The following PTGER2 variants were observed in gnomAD, a reference collection of about 807,000 sequenced individuals.
The protein encoded by PTGER2 is prostaglandin E receptor 2.
Under a neutral mutation model 26.2 loss-of-function variants are expected in PTGER2, and 22 were observed. The observed-to-expected ratio is 0.84, with a 90% CI of 0.60 to 1.20. The LOEUF (loss-of-function observed/expected upper bound fraction) is 1.20, where lower values mean the gene tolerates loss of function less well. Among genes scored for constraint, PTGER2 ranks in the 50% most tolerant of loss-of-function variants. The pLI, the probability that PTGER2 is intolerant of heterozygous loss-of-function variation, is 0.00. For synonymous variants in PTGER2, 219 were observed against 208.9 expected, an observed-to-expected ratio of 1.05 and a Z score of -0.42; for missense variants, 458 against 475.2, an observed-to-expected ratio of 0.96 and a Z score of 0.34.
rs780303158 is a variant in PTGER2, at chr14:52,315,115, C to T, written c.567C>T (p.Ile189=). The change falls in exon 1 of 2, where the codon ATC becomes ATT. Residue 189 remains isoleucine (I), a synonymous_variant. Coordinates refer to ENST00000245457, the MANE Select transcript of PTGER2 (RefSeq NM_000956.4). ...ACTGCCCCGGGACCTGGTGCTTCATCCGGCACGGGCGGACCGCTTACCTGC... is the reference window on the plus strand; with the variant it reads ...ACTGCCCCGGGACCTGGTGCTTCATTCGGCACGGGCGGACCGCTTACCTGC... ...VQYCPGTWCF[I]RHGRTAYLQL... is the part of the protein sequence containing the mutation. 6.2e-7 allele frequency: 1 copy of T among 1,610,270 alleles called. No individual in the cohort carries two copies. The highest frequency in any genetic ancestry group is 1.1e-5 in the South Asian group (1 of 91,074).
chr14:52,324,277 G>C (rs1165205667), intron 1 of PTGER2, among the ~76,000 whole-genome samples: 1 of 152,172 alleles, frequency 6.6e-6, no homozygotes, highest in Non-Finnish European at 1.5e-5. Flanking sequence ...GAGGACCTGG[G>C]CCAAGCCTTT....
intron 1 of PTGER2, among the ~76,000 whole-genome samples, chr14:52,317,417 T>C (rs1212498404): frequency 6.6e-6 from 1 of 152,248 alleles, no homozygotes; most frequent in Admixed American, 6.5e-5. Flanking sequence ...ATTGGCCTTT[T>C]ACCATGAGAA....
At chr14:52,317,972 T>C (rs2033857958) in intron 1 of PTGER2, among the ~76,000 whole-genome samples, 1 of 152,260 alleles carries the variant, frequency 6.6e-6, no homozygotes, top group South Asian at 2.1e-4. Flanking sequence ...TACATAGCAC[T>C]TTAAGCTTTA....
chr14:52,325,864 A>G (rs2140040660), intron 1 of PTGER2, among the ~76,000 whole-genome samples: 1 of 152,310 alleles, frequency 6.6e-6, no homozygotes, highest in Non-Finnish European at 1.5e-5. Flanking sequence ...CGCTCTCTGC[A>G]ATTTGCTTTG....
At chr14:52,321,195 C>T (rs1389022344) in intron 1 of PTGER2, among the ~76,000 whole-genome samples, 1 of 152,132 alleles carries the variant, frequency 6.6e-6, no homozygotes, top group African/African-American at 2.4e-5. Context: ...CCACAAAGCA[C>T]CTGTGATTCA....
In PTGER2 at chr14:52,316,026, T is replaced by C. The variant is rs45443300; in HGVS notation, c.843+635T>C. Among the ~76,000 whole-genome samples, 865 of 152,364 alleles carry C rather than the reference T, an allele frequency of 5.7e-3. 12 individuals are homozygous for C. The highest frequency in any genetic ancestry group is 0.02 in the African/African-American group (828 of 41,576). ...AATTTATATATTTGAATGTAACTCT[T>C]TGTGGCCATGAAAGTTTATAAAACC... On this transcript the variant is annotated intron_variant, in intron 1 of 1. Transcript: ENST00000245457.
At chr14:52,323,098 G>T (rs187826361) in intron 1 of PTGER2, among the ~76,000 whole-genome samples, 9 of 152,242 alleles carry the variant, frequency 5.9e-5, no homozygotes, top group Non-Finnish European at 1.0e-4. Flanking sequence ...ATTTGGGAAC[G>T]GATAAATGTC....
In PTGER2 at chr14:52,314,340, G is replaced by C. The variant is rs1171492748; in HGVS notation, c.-209G>C. 4.2e-6 allele frequency: 2 copies of C among 478,034 alleles called. No homozygotes were observed. Among genetic ancestry groups the C allele is most frequent in the Non-Finnish European group, 6.5e-6 (2 of 308,066 alleles). The allele number at this position is 478,034 out of a possible 1,614,324, so 29.6% of individuals were successfully genotyped here. On this transcript the variant is annotated 5_prime_UTR_variant, in exon 1 of 2. Transcript: ENST00000245457. This position sits in a 1 kb window ranked among gnomAD's most constrained non-coding sequence, Gnocchi z 5.7. ...GGTAGGCGCGGGAGCCTCGAGCGCC[G>C]CTCGGATGCAGCAGCCGAGCCGCCA...
chr14:52,323,625 C>G (rs966959216), intron 1 of PTGER2, among the ~76,000 whole-genome samples: 6 of 152,190 alleles, frequency 3.9e-5, no homozygotes, highest in African/African-American at 1.4e-4. Context: ...AAATTCTGAA[C>G]CCACTTTGTA....
intron 1 of PTGER2, among the ~76,000 whole-genome samples, chr14:52,320,880 G>A (rs1401340102): frequency 3.3e-5 from 5 of 152,182 alleles, no homozygotes; most frequent in Admixed American, 3.3e-4. Flanking sequence ...CTAGAGCAGG[G>A]TCCATAACCT....
intron 1 of PTGER2, among the ~76,000 whole-genome samples, chr14:52,316,428 G>T (rs2033841745): frequency 6.6e-6 from 1 of 152,182 alleles, no homozygotes; most frequent in Non-Finnish European, 1.5e-5. Flanking sequence ...TCTTACGGGG[G>T]CTAGGAATTG....
intron 1 of PTGER2, among the ~76,000 whole-genome samples, chr14:52,317,314 TCTC>T (rs1440625470): frequency 1.3e-5 from 2 of 152,216 alleles, no homozygotes; most frequent in Admixed American, 6.5e-5. Flanking sequence ...AGGAAAAAGT[TCTC>T]CTCTTTGATC....
chr14:52,314,670 T>A lies in PTGER2; in HGVS notation c.122T>A (p.Ile41Lys), dbSNP rs1252136254. The A allele has an allele frequency of 1.3e-6, 2 of 1,540,826 alleles. No individual in the cohort carries two copies. Among genetic ancestry groups the A allele is most frequent in the South Asian group, 1.2e-5 (1 of 80,074 alleles). Residue 41 changes from isoleucine (I) to lysine (K), a missense_variant, in exon 1 of 2, where the codon ATA (isoleucine) becomes AAA (lysine). Physicochemically the swap from Ile to Lys is moderately radical, Grantham distance 102 (BLOSUM62 -3). Coordinates refer to ENST00000245457, the MANE Select transcript of PTGER2 (RefSeq NM_000956.4). This position sits in a 1 kb window ranked among gnomAD's most constrained non-coding sequence, Gnocchi z 5.7. ...MFSAGVLGNLIALALLARRWR... is the reference protein window; with the variant it reads ...MFSAGVLGNLKALALLARRWR... ...TCGGCCGGGGTGCTGGGGAACCTCA[T>A]AGCACTGGCGCTGCTGGCGCGCCGC...
chr14:52,314,869 C>G lies in PTGER2; in HGVS notation c.321C>G (p.Arg107=). Residue 107 remains arginine (R), a synonymous_variant, in exon 1 of 2, where the codon CGC becomes CGG. Coordinates refer to ENST00000245457, the MANE Select transcript of PTGER2 (RefSeq NM_000956.4). The surrounding 1 kb of genome is among the most constrained non-coding windows in gnomAD (Gnocchi z 5.7). Reference sequence around the variant, plus strand: ...TGGTGGCACTGGCGCCCGAGAGCCGCGCGTGCACCTACTTCGCTTTCGCCA... The same window carrying G: ...TGGTGGCACTGGCGCCCGAGAGCCGGGCGTGCACCTACTTCGCTTTCGCCA... ...QTLVALAPES[R]ACTYFAFAMT... 4.3e-6 allele frequency: 7 copies of G among 1,613,100 alleles called. No individual in the cohort carries two copies. Among genetic ancestry groups the G allele is most frequent in the South Asian group, 1.1e-5 (1 of 91,062 alleles).
At chr14:52,321,447 C>T (rs1459572744) in intron 1 of PTGER2, among the ~76,000 whole-genome samples, 3 of 152,182 alleles carry the variant, frequency 2.0e-5, no homozygotes, top group African/African-American at 7.2e-5. Context: ...AGTCCATAAA[C>T]AGGAACCATG....
Position 52,314,490 on chromosome 14 carries a change from T to G in PTGER2, c.-59T>G. 2 of 1,423,984 alleles carry G rather than the reference T, an allele frequency of 1.4e-6. No homozygotes were observed. Among genetic ancestry groups the G allele is most frequent in the Non-Finnish European group, 1.8e-6 (2 of 1,087,600 alleles). 88.2% of individuals were successfully genotyped at this position (1,423,984 alleles called of 1,614,324 possible). On this transcript the variant is annotated 5_prime_UTR_variant, in exon 1 of 2. Transcript: ENST00000245457. The surrounding 1 kb of genome is among the most constrained non-coding windows in gnomAD (Gnocchi z 5.7). ...TCGGAACGCTCCGGCTCTCAGACCC[T>G]CTTCCTCCCAGGTAAAGGCCGGGAG... is the stretch of plus-strand genomic sequence containing the variant.
At chr14:52,322,210 G>A (rs1490118835) in intron 1 of PTGER2, among the ~76,000 whole-genome samples, 1 of 152,152 alleles carries the variant, frequency 6.6e-6, no homozygotes, top group Non-Finnish European at 1.5e-5. Flanking sequence ...CTGGGCCGCT[G>A]GGGGTGACAT....
Position 52,314,858 on chromosome 14 carries a change from C to A in PTGER2, c.310C>A (p.Pro104Thr), listed in dbSNP as rs1349649651. 3 of 1,613,122 alleles carry A rather than the reference C, an allele frequency of 1.9e-6. No individual in the cohort carries two copies. The highest frequency in any genetic ancestry group is 3.3e-5 in the Admixed American group (2 of 60,036). ...GAACCAGACCCTGGTGGCACTGGCG[C>A]CCGAGAGCCGCGCGTGCACCTACTT... The part of the protein sequence containing the change: ...ARNQTLVALA[P>T]ESRACTYFAF... Residue 104 changes from proline to threonine, a missense_variant, in exon 1 of 2, where the codon CCC becomes ACC. Coordinates refer to ENST00000245457, the MANE Select transcript of PTGER2 (RefSeq NM_000956.4). The surrounding 1 kb of genome is among the most constrained non-coding windows in gnomAD (Gnocchi z 5.7).
chr14:52,315,433 C>T lies in PTGER2; in HGVS notation c.843+42C>T, dbSNP rs557568392. 8.1e-6 allele frequency: 13 copies of T among 1,604,324 alleles called. No individual in the cohort carries two copies. In the East Asian group the frequency reaches 2.0e-4, roughly 25 times the overall value. On this transcript the variant is annotated intron_variant, in intron 1 of 1. Transcript: ENST00000245457. ...GTTTCCACAGCCCGGCTCTGCTCAGCCTTCTCATGCTCTCCCCTGACGCCT... is the reference window on the plus strand; with the variant it reads ...GTTTCCACAGCCCGGCTCTGCTCAGTCTTCTCATGCTCTCCCCTGACGCCT...
Sources: allele counts gnomAD v4.1 joint callset (sites outside exome capture counted in the v4.1 genomes callset), GRCh38; gene constraint gnomAD v4.1.1; non-coding constraint Gnocchi (gnomAD v3.1); transcripts MANE v1.5; gene names NCBI Gene and HGNC (gene_info 2026-07-23, HGNC 2026-07-21).